Variants in ABHD16A observed in about 807,000 individuals in gnomAD.
ABHD16A encodes the protein phosphatidylserine lipase ABHD16A.
A neutral mutation model predicts 89.8 loss-of-function variants in ABHD16A; 47 were observed. That is an observed-to-expected ratio of 0.52 (90% CI 0.41 to 0.67). The LOEUF (loss-of-function observed/expected upper bound fraction) is 0.67. Among genes scored for constraint, ABHD16A ranks in the 30% least tolerant of loss-of-function variants. The pLI is 0.00. For synonymous variants in ABHD16A, 251 were observed against 280.4 expected (o/e 0.90, Z 1.05); for missense variants, 580 against 734.6 (o/e 0.79, Z 2.43).
intron 4 of ABHD16A, among the ~76,000 whole-genome samples, chr6:31,699,958 G>A (rs1449279935): frequency 6.6e-6 from 1 of 152,084 alleles, no homozygotes; most frequent in Non-Finnish European, 1.5e-5. Flanking sequence ...ATGTTGGACA[G>A]ACTGGTCTTG....
Position 31,688,023 on chromosome 6 carries a change from A to G in ABHD16A, c.1370+18T>C, listed in dbSNP as rs1228016664. 5.6e-6 allele frequency: 9 copies of G among 1,611,622 alleles called. No homozygotes were observed. The highest frequency in any genetic ancestry group is 3.3e-5 in the South Asian group (3 of 90,930). ...TGTGTGTACACTGCCCCCAGCGCGC[A>G]CACACCCTGGCTCTCACCGATGCTG... On this transcript the variant is annotated intron_variant, in intron 16 of 19. Coordinates refer to ENST00000395952, the MANE Select transcript of ABHD16A (RefSeq NM_021160.3). This position sits in a 1 kb window ranked among gnomAD's most constrained non-coding sequence, Gnocchi z 4.9.
In ABHD16A at chr6:31,690,004, C is replaced by A. The variant is rs1489811451; in HGVS notation, c.957+74G>T. Reference sequence around the variant, plus strand: ...CCTTCAAGAAATCCACAGCCCCTCTCCTCCCTCCAATGGCTGACCAGAGGG... The same window carrying A: ...CCTTCAAGAAATCCACAGCCCCTCTACTCCCTCCAATGGCTGACCAGAGGG... On this transcript the variant is annotated intron_variant, in intron 11 of 19. Transcript: ENST00000395952. This position sits in a 1 kb window ranked among gnomAD's most constrained non-coding sequence, Gnocchi z 4.1. 6.8e-7 allele frequency: 1 copy of A among 1,465,646 alleles called. No individual in the cohort carries two copies. The highest frequency in any genetic ancestry group is 1.4e-5 in the African/African-American group (1 of 70,702). 90.8% of individuals were successfully genotyped at this position (1,465,646 alleles called of 1,614,324 possible). A position where few individuals can be genotyped will look rare whatever the true frequency, so the allele number is the denominator to read the frequency against.
In ABHD16A at chr6:31,687,253, G is replaced by A. The variant is rs1344229459; in HGVS notation, c.1636C>T (p.Pro546Ser). Residue 546 changes from proline to serine, a missense_variant, in exon 20 of 20, where the codon CCA (proline) becomes TCA (serine). Physicochemically the swap from Pro to Ser is moderately conservative, Grantham distance 74. Coordinates refer to ENST00000395952, the MANE Select transcript of ABHD16A (RefSeq NM_021160.3). This position sits in a 1 kb window ranked among gnomAD's most constrained non-coding sequence, Gnocchi z 6.3. ...ATCTGGAAGTTCTGGGCTGGGAGTG[G>A]GGTGCAGTGAGTGGCCTCAAAGTTG... is the stretch of plus-strand genomic sequence containing the variant. The part of the protein sequence containing the change: ...LHNFEATHCT[P>S]LPAQNFQMPW... 4 of 1,612,960 alleles carry A rather than the reference G, an allele frequency of 2.5e-6. No homozygotes were observed. The Admixed American group carries it at 5.0e-5, about 20-fold the overall frequency.
Position 31,693,542 on chromosome 6 carries a change from G to GAT in ABHD16A, c.430-111_430-110insAT. The GAT allele has an allele frequency of 8.6e-6, 9 of 1,048,690 alleles. No homozygotes were observed. Among genetic ancestry groups the GAT allele is most frequent in the Non-Finnish European group, 1.0e-5 (7 of 699,426 alleles). The allele number at this position is 1,048,690 out of a possible 1,614,324, so 65.0% of individuals were successfully genotyped here. ...GGGGTCTGATCCCCACACATCATGG[G>GAT]GAAACCAAGCGGAGGTCAATACCCT... On this transcript the variant is annotated intron_variant, in intron 5 of 19. Coordinates refer to ENST00000395952, the MANE Select transcript of ABHD16A (RefSeq NM_021160.3). The surrounding 1 kb of genome is among the most constrained non-coding windows in gnomAD (Gnocchi z 5.0).
intron 9 of ABHD16A, 155 bp downstream of exon 9, chr6:31,691,424 G>GT: frequency 1.6e-6 from 1 of 640,558 alleles, no homozygotes. Flanking sequence ...CTATCACAGG[G>GT]TTTCACTACA....
chr6:31,691,532 G>C, intron 9 of ABHD16A, 47 bp downstream of exon 9: 1 of 1,584,356 alleles, frequency 6.3e-7, no homozygotes, highest in East Asian at 2.2e-5. Context: ...GACCTCTACT[G>C]CCTTCCTCAC....
intron 1 of ABHD16A, 121 bp from the exon 2 acceptor site, chr6:31,702,251 T>C: frequency 1.0e-6 from 1 of 961,660 alleles, no homozygotes; most frequent in Non-Finnish European, 1.6e-6. Context: ...TCTTGAAACA[T>C]CCCTGGCCCC....
chr6:31,698,496 C>CT lies in ABHD16A; in HGVS notation c.344-1464dup, dbSNP rs1451151349. Among the ~76,000 whole-genome samples, 3 of 35,384 alleles carry CT rather than the reference C, an allele frequency of 8.5e-5. No homozygotes were observed. The highest frequency in any genetic ancestry group is 2.6e-3 in the East Asian group (1 of 378). 23.2% of individuals were successfully genotyped at this position (35,384 alleles called of 152,430 possible). A position where few individuals can be genotyped will look rare whatever the true frequency, so the allele number is the denominator to read the frequency against. On this transcript the variant is annotated intron_variant, in intron 4 of 19. Coordinates refer to ENST00000395952, the MANE Select transcript of ABHD16A (RefSeq NM_021160.3). This position sits in a 1 kb window ranked among gnomAD's most constrained non-coding sequence, Gnocchi z 4.1. ...GACTTTTCTGTATTTTTTCTTTTTT[C>CT]TTTTTTTTGAGACAGTTTTGCTCTT...
intron 12 of ABHD16A, 32 bp downstream of exon 12, chr6:31,689,549 T>C (rs1803649956): frequency 6.5e-7 from 1 of 1,549,916 alleles, no homozygotes. Context: ...CATGAATGTG[T>C]CTACAGTGGG....
At chr6:31,701,177 A>G (rs1804949228) in intron 3 of ABHD16A, 97 bp downstream of exon 3, 1 of 1,392,812 alleles carries the variant, frequency 7.2e-7, no homozygotes, top group Non-Finnish European at 1.0e-6. Context: ...AGGGAAGCCA[A>G]GCCATCTTCA....
chr6:31,700,462 A>C (rs1804853461), intron 4 of ABHD16A, among the ~76,000 whole-genome samples: 1 of 152,140 alleles, frequency 6.6e-6, no homozygotes, highest in Non-Finnish European at 1.5e-5. Flanking sequence ...ATTTGTAGCC[A>C]CTGGAGTTGT....
chr6:31,702,699 A>G (rs1805140057), intron 1 of ABHD16A: 2 of 1,545,960 alleles, frequency 1.3e-6, no homozygotes, highest in African/African-American at 2.7e-5. Context: ...CGGATACAGG[A>G]TCTGTAAAAG....
intron 7 of ABHD16A, chr6:31,692,176 A>T (rs1482211986): frequency 2.4e-6 from 1 of 420,520 alleles, no homozygotes; most frequent in Non-Finnish European, 4.2e-6. Flanking sequence ...CAGAATTCTG[A>T]GAGTTTTATG....
chr6:31,700,403 C>T (rs946455182), intron 4 of ABHD16A, among the ~76,000 whole-genome samples: 2 of 152,206 alleles, frequency 1.3e-5, no homozygotes, highest in Non-Finnish European at 2.9e-5. Context: ...GGATTACAGG[C>T]ATGAGCCACC....
intron 7 of ABHD16A, 32 bp downstream of exon 7, chr6:31,692,995 C>T (rs1804043412): frequency 6.2e-7 from 1 of 1,614,066 alleles, no homozygotes; most frequent in Admixed American, 1.7e-5. Flanking sequence ...CCCCTCCACC[C>T]CAGTGGGCCT....
rs577041053 is a variant in ABHD16A at position 31,688,597 on chromosome 6, G to T, written c.1250+126C>A. The T allele has an allele frequency of 1.8e-6, 2 of 1,135,746 alleles. No individual in the cohort carries two copies. The highest frequency in any genetic ancestry group is 2.8e-5 in the South Asian group (2 of 70,406). The allele number at this position is 1,135,746 out of a possible 1,614,324, so 70.4% of individuals were successfully genotyped here. A position where few individuals can be genotyped will look rare whatever the true frequency, so the allele number is the denominator to read the frequency against. On this transcript the variant is annotated intron_variant, in intron 14 of 19. Transcript: ENST00000395952. This position sits in a 1 kb window ranked among gnomAD's most constrained non-coding sequence, Gnocchi z 4.9. Reference sequence around the variant, plus strand: ...TTAGGCCAGTTGAGGTGGTGGCAGGGTCACTCAGGATGTGAGCCAGTGGCC... The same window carrying T: ...TTAGGCCAGTTGAGGTGGTGGCAGGTTCACTCAGGATGTGAGCCAGTGGCC...
intron 4 of ABHD16A, 90 bp from the exon 5 acceptor site, chr6:31,697,123 A>G (rs745332619): frequency 4.5e-5 from 53 of 1,166,528 alleles, no homozygotes; most frequent in Non-Finnish European, 6.3e-5. Flanking sequence ...GGGCTAGAAG[A>G]AGGCCCTGTA....
intron 1 of ABHD16A, chr6:31,702,756 C>T: frequency 6.6e-7 from 1 of 1,515,468 alleles, no homozygotes; most frequent in Admixed American, 2.3e-5. Context: ...AAAAACAGAG[C>T]CGGGGGAGGC....
At chr6:31,701,104 T>G (rs1423165114) in intron 3 of ABHD16A, 76 bp from the exon 4 acceptor site, 1 of 1,393,926 alleles carries the variant, frequency 7.2e-7, no homozygotes, top group Non-Finnish European at 1.0e-6. Context: ...AGCCCCAACC[T>G]CCACCCCACA....
Sources: allele counts gnomAD v4.1 joint callset (sites outside exome capture counted in the v4.1 genomes callset), GRCh38; gene constraint gnomAD v4.1.1; non-coding constraint Gnocchi (gnomAD v3.1); transcripts MANE v1.5; gene names NCBI Gene and HGNC (gene_info 2026-07-23, HGNC 2026-07-21).